DNAJB11: variants seen among roughly 807,000 people sequenced by gnomAD.
DNAJB11 encodes the protein DnaJ heat shock protein family (Hsp40) member B11.
A neutral mutation model predicts 47.2 loss-of-function variants in DNAJB11; 30 were observed. That is an observed-to-expected ratio of 0.64 (90% CI 0.48 to 0.86). The LOEUF (loss-of-function observed/expected upper bound fraction) is 0.86, where lower values mean the gene tolerates loss of function less well. Ranked by LOEUF, DNAJB11 falls within the 40% of genes least tolerant of loss-of-function variation. The pLI, the probability that DNAJB11 is intolerant of heterozygous loss-of-function variation, is 0.00. For missense variants in DNAJB11, 357 were observed against 440.2 expected, an observed-to-expected ratio of 0.81 and a Z score of 1.69; for synonymous variants, 151 against 159.9, an observed-to-expected ratio of 0.94 and a Z score of 0.42.
In DNAJB11 at chr3:186,582,732, T is replaced by C. The variant is rs562609029; in HGVS notation, c.699T>C (p.Asp233=). The C allele has an allele frequency of 1.3e-6, 2 of 1,591,916 alleles. No homozygotes were observed. The highest frequency in any genetic ancestry group is 4.5e-5 in the East Asian group (2 of 44,478). The change falls in exon 7 of 10, where the codon GAT becomes GAC. Residue 233 remains aspartate (D), a synonymous_variant. Coordinates refer to ENST00000265028, the MANE Select transcript of DNAJB11 (RefSeq NM_016306.6). ...PFIGEGEPHV[D]GEPGDLRFRI... is the part of the protein sequence containing the mutation. The stretch of plus-strand genomic sequence containing the variant: ...TCTGACTAGGTGAGCCTCACGTGGA[T>C]GGGGAGCCTGGAGATTTACGGTTCC...
intron 6 of DNAJB11, among the ~76,000 whole-genome samples, 195 bp from the exon 7 acceptor site, chr3:186,582,521 G>A (rs1463442623): frequency 6.6e-6 from 1 of 152,178 alleles, no homozygotes. Context: ...GTCAAGTTAT[G>A]TACTGCTGTA....
intron 4 of DNAJB11, chr3:186,578,775 A>T (rs1249951645): frequency 6.6e-6 from 1 of 152,174 alleles, no homozygotes; most frequent in Admixed American, 6.5e-5. Context: ...TGTAATGCAG[A>T]TATAGGCTAT....
rs372657947 is a variant in DNAJB11, at chr3:186,584,962, C to T, written c.1012+373C>T. Among the ~76,000 whole-genome samples, 49 of 152,114 alleles carry T rather than the reference C, an allele frequency of 3.2e-4. No homozygotes were observed. The East Asian group carries it at 3.9e-3, about 12-fold the overall frequency. ...CTAGGATGACTGGTTGAGAAGAGGG[C>T]CCCACTGGGGGTCCTAAATAGTAAG... On this transcript the variant is annotated intron_variant, in intron 9 of 9. Coordinates refer to ENST00000265028, the MANE Select transcript of DNAJB11 (RefSeq NM_016306.6).
chr3:186,571,997 C>A, intron 1 of DNAJB11, 98 bp from the exon 2 acceptor site: 3 of 1,077,656 alleles, frequency 2.8e-6, no homozygotes, highest in Non-Finnish European at 3.9e-6. Flanking sequence ...CCTCTTTGCT[C>A]AGATACAAAC....
Position 186,582,011 on chromosome 3 carries a change from C to A in DNAJB11, c.616C>A (p.Arg206=), listed in dbSNP as rs941713150. 1 of 1,613,432 alleles carries A rather than the reference C, an allele frequency of 6.2e-7. No individual in the cohort carries two copies. The highest frequency in any genetic ancestry group is 2.2e-5 in the East Asian group (1 of 44,842). Residue 206 remains arginine (R), a synonymous_variant, in exon 6 of 10, where the codon CGA becomes AGA. Transcript: ENST00000265028. ...TTACCTCAGACTAGTGAATGAAGAA[C>A]GAACGCTGGAAGTAGAAATAGAGCC... is the stretch of plus-strand genomic sequence containing the variant. The part of the protein sequence containing the change: ...CPNVKLVNEE[R]TLEVEIEPGV...
chr3:186,583,445 G>A (rs1715553965), intron 7 of DNAJB11, among the ~76,000 whole-genome samples: 1 of 152,156 alleles, frequency 6.6e-6, no homozygotes, highest in South Asian at 2.1e-4. Context: ...GTTGTTTCCT[G>A]AATAAACCTG....
chr3:186,576,554 AAGATGTT>A (rs1715302096), intron 3 of DNAJB11, among the ~76,000 whole-genome samples: 1 of 152,206 alleles, frequency 6.6e-6, no homozygotes, highest in Admixed American at 6.5e-5. Context: ...TATAAACAAA[AAGATGTT>A]CGAATCTGCA....
At chr3:186,581,895 C>A in intron 5 of DNAJB11, 100 bp from the exon 6 acceptor site, 1 of 996,552 alleles carries the variant, frequency 1.0e-6, no homozygotes, top group South Asian at 1.6e-5. Context: ...TACAGTCTTC[C>A]AAGAAAAAGC....
intron 3 of DNAJB11, 51 bp from the exon 4 acceptor site, chr3:186,577,617 A>G: frequency 1.4e-6 from 2 of 1,465,128 alleles, no homozygotes; most frequent in Non-Finnish European, 9.1e-7. Context: ...ATTGTGAAAC[A>G]TAGAGTCTTG....
At chr3:186,573,004 A>T (rs917899573) in intron 2 of DNAJB11, among the ~76,000 whole-genome samples, 18 of 152,170 alleles carry the variant, frequency 1.2e-4, no homozygotes, top group Middle Eastern at 3.2e-3. Context: ...TTTTAATTTG[A>T]TTTTGCAACC....
At chr3:186,571,022 T>TCGGGGTTGGGGGGGGGGG in intron 1 of DNAJB11, 57 bp downstream of exon 1, 1 of 208,314 alleles carries the variant, frequency 4.8e-6, no homozygotes, top group East Asian at 9.8e-5. Flanking sequence ...TGCTGGGGGG[T>TCGGGGTTGGGGGGGGGGG]GGGAGGGGGT....
intron 2 of DNAJB11, among the ~76,000 whole-genome samples, chr3:186,575,514 G>A (rs1278841199): frequency 6.6e-6 from 1 of 152,060 alleles, no homozygotes; most frequent in Non-Finnish European, 1.5e-5. Context: ...TAAACCTGAG[G>A]AATCCGTCTT....
chr3:186,572,529 A>G (rs966690454), intron 2 of DNAJB11, among the ~76,000 whole-genome samples: 4 of 152,198 alleles, frequency 2.6e-5, no homozygotes, highest in African/African-American at 4.8e-5. Context: ...TTTAGTAGAG[A>G]CAGGGTTTCA....
rs1291089312 is a variant in DNAJB11 at position 186,585,323 on chromosome 3, A to T, written c.1013-21A>T. 4 of 1,604,252 alleles carry T rather than the reference A, an allele frequency of 2.5e-6. No homozygotes were observed. The South Asian group carries it at 4.5e-5, about 18-fold the overall frequency. On this transcript the variant is annotated intron_variant, in intron 9 of 9. Transcript: ENST00000265028. ...GTAACATTTTTTTGTTAATGGAGTC[A>T]TTTGTTCATTCTTTCTTCAGGTATC...
chr3:186,572,338 C>CATTT (rs6148229), intron 2 of DNAJB11, 87 bp downstream of exon 2: 208 of 991,832 alleles, frequency 2.1e-4, no homozygotes, highest in Admixed American at 1.6e-3. Context: ...TTTCAGCTCA[C>CATTT]ATTTATTTAT....
intron 2 of DNAJB11, among the ~76,000 whole-genome samples, chr3:186,575,445 G>T (rs1158911901): frequency 6.6e-6 from 1 of 151,770 alleles, no homozygotes; most frequent in Non-Finnish European, 1.5e-5. Context: ...GGGCCAAGTT[G>T]TTCTGAAGGC....
intron 2 of DNAJB11, among the ~76,000 whole-genome samples, chr3:186,575,368 CGTGTGTGTGTGTGTGTGTGTGTGTCT>C (rs1715247543): frequency 2.1e-5 from 3 of 143,358 alleles, no homozygotes; most frequent in South Asian, 4.5e-4. Context: ...CGCGCGCGCG[CGTGTGTGTGTGTGTGTGTGTGTGTCT>C]GTGTGTGTGT....
At chr3:186,582,193 A>G (rs149200786) in intron 6 of DNAJB11, 116 bp downstream of exon 6, 8 of 789,958 alleles carry the variant, frequency 1.0e-5, no homozygotes, top group Admixed American at 2.5e-5. Context: ...AAACGCATAT[A>G]TAATTTCCAA....
chr3:186,571,025 GAGGGGGT>G, intron 1 of DNAJB11, 60 bp downstream of exon 1: 1 of 964,050 alleles, frequency 1.0e-6, no homozygotes, highest in Non-Finnish European at 1.5e-6. Context: ...TGGGGGGTGG[GAGGGGGT>G]GGGGGAAGTG....
Sources: gnomAD v4.1 joint callset for allele counts (sites outside exome capture counted in the v4.1 genomes callset) on GRCh38, gnomAD v4.1.1 for gene constraint, MANE v1.5 for transcripts, NCBI Gene and HGNC (gene_info 2026-07-23, HGNC 2026-07-21) for gene names.